Variants in CNTNAP4 observed in about 807,000 individuals in gnomAD.
CNTNAP4 encodes contactin-associated protein-like 4.
A neutral mutation model predicts 148.4 loss-of-function variants in CNTNAP4; 98 were observed. The observed-to-expected ratio is 0.66, with a 90% CI of 0.56 to 0.78. CNTNAP4 has a LOEUF of 0.78. Ranked by LOEUF, CNTNAP4 falls within the 30% of genes least tolerant of loss-of-function variation. The pLI, the probability that CNTNAP4 is intolerant of heterozygous loss-of-function variation, is 0.00. For missense variants in CNTNAP4, 1,935 were observed against 1,565.6 expected (o/e 1.24, Z -3.98); for synonymous variants, 730 against 565.1 (o/e 1.29, Z -4.14).
intron 3 of CNTNAP4, among the ~76,000 whole-genome samples, chr16:76,385,593 A>G (rs1282781412): frequency 6.6e-6 from 1 of 150,730 alleles, no homozygotes; most frequent in East Asian, 1.9e-4. Context: ...GAGTGAGTTG[A>G]TTCTCATTAT....
chr16:76,518,033 T>A (rs550053883), intron 15 of CNTNAP4, among the ~76,000 whole-genome samples: 1 of 152,306 alleles, frequency 6.6e-6, no homozygotes, highest in Non-Finnish European at 1.5e-5. Context: ...TACATCTTCC[T>A]CTTTTACGTG....
chr16:76,287,766 T>C (rs1320301429), intron 1 of CNTNAP4: 3 of 152,248 alleles, frequency 2.0e-5, no homozygotes, highest in Non-Finnish European at 4.4e-5. Context: ...CTCCATTTTA[T>C]ATCATACAAT....
intron 1 of CNTNAP4, among the ~76,000 whole-genome samples, chr16:76,298,502 G>T (rs1294739204): frequency 6.8e-6 from 1 of 147,918 alleles, no homozygotes; most frequent in Non-Finnish European, 1.5e-5. Context: ...GTGTGTGTGT[G>T]TGTGTGTGTG....
intron 8 of CNTNAP4, among the ~76,000 whole-genome samples, chr16:76,460,773 A>AATATATATATATATATATATATATAT (rs150425968): frequency 7.0e-5 from 4 of 57,316 alleles, no homozygotes; most frequent in Non-Finnish European, 1.3e-4. Flanking sequence ...AAAAAAAAAA[A>AATATATATATATATATATATATATAT]ATATATATAT....
chr16:76,398,241 G>A (rs1308170594), intron 3 of CNTNAP4, among the ~76,000 whole-genome samples: 2 of 150,080 alleles, frequency 1.3e-5, no homozygotes, highest in East Asian at 3.9e-4. Context: ...GCCCACCCTG[G>A]TTGAGGATGG....
chr16:76,302,521 C>G lies in CNTNAP4; in HGVS notation c.86-13892C>G, dbSNP rs76129428. On this transcript the variant is annotated intron_variant, in intron 1 of 23. Transcript: ENST00000611870. ...CTCCAGGCCTGTAAGATAAATTTCA[C>G]CCATGCTTCTTATCTCTTTCACTTT... Among the ~76,000 whole-genome samples the G allele has an allele frequency of 0.012, 1,874 of 152,168 alleles. 130 individuals are homozygous for G. In the East Asian group the frequency reaches 0.17, roughly 14 times the overall value.
intron 12 of CNTNAP4, among the ~76,000 whole-genome samples, chr16:76,480,473 T>C (rs2081785836): frequency 6.6e-6 from 1 of 152,134 alleles, no homozygotes; most frequent in South Asian, 2.1e-4. Context: ...TATAAAATGT[T>C]CATTGATCAC....
intron 3 of CNTNAP4, among the ~76,000 whole-genome samples, chr16:76,384,709 C>G (rs1256583015): frequency 2.6e-5 from 4 of 152,128 alleles, no homozygotes; most frequent in Non-Finnish European, 4.4e-5. Flanking sequence ...TTCATCATGA[C>G]CTCGAAATCA....
At chr16:76,346,275 TG>T (rs1027818400) in intron 2 of CNTNAP4, among the ~76,000 whole-genome samples, 1 of 152,076 alleles carries the variant, frequency 6.6e-6, no homozygotes, top group African/African-American at 2.4e-5. Context: ...TTTACCTTTT[TG>T]ATATACTATG....
intron 15 of CNTNAP4, among the ~76,000 whole-genome samples, chr16:76,515,561 G>A (rs978006593): frequency 1.3e-5 from 2 of 152,142 alleles, no homozygotes; most frequent in Non-Finnish European, 2.9e-5. Flanking sequence ...TTGACTTTTA[G>A]CCTCCAGCAC....
intron 2 of CNTNAP4, among the ~76,000 whole-genome samples, chr16:76,348,281 G>T (rs1051603641): frequency 2.6e-5 from 4 of 151,748 alleles, no homozygotes; most frequent in African/African-American, 9.7e-5. Context: ...TTCAGAAGGA[G>T]AATGGAAAAT....
chr16:76,481,356 A>T (rs1224753745), intron 12 of CNTNAP4, among the ~76,000 whole-genome samples: 1 of 152,266 alleles, frequency 6.6e-6, no homozygotes, highest in East Asian at 1.9e-4. Context: ...TTAAAAATTT[A>T]AACTTAAATT....
intron 10 of CNTNAP4, 27 bp downstream of exon 10, chr16:76,467,550 C>T: frequency 6.4e-7 from 1 of 1,553,914 alleles, no homozygotes; most frequent in Non-Finnish European, 8.7e-7. Flanking sequence ...TTCATTTTGA[C>T]CTGCTTTCAA....
chr16:76,306,954 T>C (rs944347254), intron 1 of CNTNAP4, among the ~76,000 whole-genome samples: 1 of 152,174 alleles, frequency 6.6e-6, no homozygotes, highest in Non-Finnish European at 1.5e-5. Context: ...GAGCAAGAAT[T>C]TGAGGACTGG....
intron 17 of CNTNAP4, 116 bp from the exon 18 acceptor site, chr16:76,535,429 A>G: frequency 9.6e-7 from 1 of 1,040,942 alleles, no homozygotes; most frequent in Non-Finnish European, 1.4e-6. Context: ...TTCCAAAATT[A>G]TATTTGCTCA....
chr16:76,524,670 A>C lies in CNTNAP4; in HGVS notation c.2755+2413A>C, dbSNP rs1162245854. On this transcript the variant is annotated intron_variant, in intron 17 of 23. Coordinates refer to ENST00000611870, the MANE Select transcript of CNTNAP4 (RefSeq NM_033401.5). ...AACATCGATCATGTGATACAATTTT[A>C]ATAAGGATCTGAAAGATTTTGTCTT... Among the ~76,000 whole-genome samples the C allele has an allele frequency of 2.0e-5, 3 of 152,170 alleles. No homozygotes were observed. The East Asian group carries it at 5.8e-4, about 29-fold the overall frequency.
intron 17 of CNTNAP4, among the ~76,000 whole-genome samples, chr16:76,531,340 T>C (rs913715186): frequency 2.0e-5 from 3 of 152,168 alleles, no homozygotes; most frequent in African/African-American, 7.2e-5. Context: ...AGTAATTTCC[T>C]GAGAATAATA....
intron 10 of CNTNAP4, among the ~76,000 whole-genome samples, chr16:76,472,466 A>G (rs1157576409): frequency 6.6e-6 from 1 of 151,628 alleles, no homozygotes; most frequent in Non-Finnish European, 1.5e-5. Flanking sequence ...CTTATGTTGA[A>G]CTCTTTTTAA....
At chr16:76,443,041 T>C (rs1218641879) in intron 4 of CNTNAP4, among the ~76,000 whole-genome samples, 2 of 152,060 alleles carry the variant, frequency 1.3e-5, no homozygotes, top group Non-Finnish European at 2.9e-5. Context: ...AGAACTAGAG[T>C]TCATACCCTG....
Sources: gnomAD v4.1 joint callset for allele counts (sites outside exome capture counted in the v4.1 genomes callset) on GRCh38, gnomAD v4.1.1 for gene constraint, MANE v1.5 for transcripts, NCBI Gene and HGNC (gene_info 2026-07-23, HGNC 2026-07-21) for gene names.